Variants in EYA4 observed in about 807,000 individuals in gnomAD.
EYA4 encodes the protein protein phosphatase EYA4.
EYA4 carries 31 observed loss-of-function variants against 87.9 expected under a neutral mutation model. The ratio of observed to expected loss-of-function variants is 0.35; its 90% CI spans 0.27 to 0.48. The LOEUF (loss-of-function observed/expected upper bound fraction) is 0.48. Ranked by LOEUF, EYA4 falls within the 20% of genes least tolerant of loss-of-function variation. The pLI, the probability that EYA4 is intolerant of heterozygous loss-of-function variation, is 0.99. For missense variants in EYA4, 678 were observed against 761.4 expected (o/e 0.89, Z 1.29); for synonymous variants, 263 against 270.6 (o/e 0.97, Z 0.28).
chr6:133,347,883 G>C (rs185939869), intron 2 of EYA4, among the ~76,000 whole-genome samples: 8 of 152,022 alleles, frequency 5.3e-5, no homozygotes, highest in African/African-American at 1.9e-4. Context: ...TTTATGAACC[G>C]GTCATTCATA....
At chr6:133,282,122 T>C (rs1194186814) in intron 2 of EYA4, among the ~76,000 whole-genome samples, 1 of 152,210 alleles carries the variant, frequency 6.6e-6, no homozygotes, top group Non-Finnish European at 1.5e-5. Flanking sequence ...GTAGGATTGC[T>C]GGGTCAAATG....
At position 133,330,855 on chromosome 6, in the gene EYA4, GT is replaced by G. The variant is rs369175428; in HGVS notation, c.34-51534del. 9.0e-3 allele frequency among the ~76,000 whole-genome samples: 1,374 copies of G among 151,912 alleles called. 21 individuals are homozygous for G. The highest frequency in any genetic ancestry group is 0.03 in the African/African-American group (1,249 of 41,462). On this transcript the variant is annotated intron_variant, in intron 2 of 19. Transcript: ENST00000355286. ...GTGCAAAGTGTGGCGAGAACAGTAT[GT>G]TTACATCAGTGAAGTATGTGGTAAC...
At chr6:133,521,987 G>T (rs1800202624) in intron 17 of EYA4, among the ~76,000 whole-genome samples, 1 of 99,672 alleles carries the variant, frequency 1.0e-5, no homozygotes, top group Non-Finnish European at 2.0e-5. Context: ...AGGGGGGAGG[G>T]ATAGCATTGG....
At chr6:133,504,013 G>T (rs913165079) in intron 13 of EYA4, among the ~76,000 whole-genome samples, 1 of 152,052 alleles carries the variant, frequency 6.6e-6, no homozygotes, top group Non-Finnish European at 1.5e-5. Context: ...CACCTCCAAG[G>T]TTCAAGGGAT....
chr6:133,486,624 A>G (rs1215563129), intron 13 of EYA4, among the ~76,000 whole-genome samples: 1 of 152,234 alleles, frequency 6.6e-6, no homozygotes, highest in Admixed American at 6.5e-5. Context: ...TCGTATAATG[A>G]GTGACTGGGG....
At chr6:133,270,160 A>G (rs1776568791) in intron 1 of EYA4, among the ~76,000 whole-genome samples, 2 of 152,352 alleles carry the variant, frequency 1.3e-5, no homozygotes, top group African/African-American at 2.4e-5. Flanking sequence ...ACCCAGGGTC[A>G]ATACTTTGTA....
chr6:133,306,380 A>T (rs1445868477), intron 2 of EYA4, among the ~76,000 whole-genome samples: 2 of 152,158 alleles, frequency 1.3e-5, no homozygotes, highest in African/African-American at 4.8e-5. Flanking sequence ...TGGGGTTCTG[A>T]TAGGTAGAAT....
intron 3 of EYA4, among the ~76,000 whole-genome samples, chr6:133,396,974 G>T (rs1005052117): frequency 6.6e-6 from 1 of 152,182 alleles, no homozygotes; most frequent in Non-Finnish European, 1.5e-5. Context: ...GGAAGATACT[G>T]TGTATCCTAA....
intron 3 of EYA4, among the ~76,000 whole-genome samples, chr6:133,402,919 G>A (rs1438970196): frequency 6.6e-6 from 1 of 152,166 alleles, no homozygotes; most frequent in Non-Finnish European, 1.5e-5. Context: ...TCCATGAATT[G>A]TGACACTCTA....
chr6:133,259,925 T>G (rs909997513), intron 1 of EYA4, among the ~76,000 whole-genome samples: 7 of 152,220 alleles, frequency 4.6e-5, no homozygotes, highest in African/African-American at 1.7e-4. Flanking sequence ...GGCACACACT[T>G]CTTGAGATTT....
chr6:133,503,700 T>C (rs568925293), intron 13 of EYA4, among the ~76,000 whole-genome samples: 3 of 152,304 alleles, frequency 2.0e-5, no homozygotes, highest in Non-Finnish European at 4.4e-5. Context: ...TAATGCCTAG[T>C]TCCCCCAACC....
intron 3 of EYA4, among the ~76,000 whole-genome samples, chr6:133,408,858 G>T (rs1315382238): frequency 2.6e-5 from 4 of 152,180 alleles, no homozygotes; most frequent in Admixed American, 2.0e-4. Context: ...ATATTGAGTG[G>T]TTCAATGCTA....
At chr6:133,354,883 T>C (rs138208255) in intron 2 of EYA4, among the ~76,000 whole-genome samples, 1 of 152,270 alleles carries the variant, frequency 6.6e-6, no homozygotes, top group Admixed American at 6.5e-5. Flanking sequence ...TTTGTTGTTG[T>C]TGTTGTTTTT....
chr6:133,434,507 A>G (rs1408930352), intron 3 of EYA4, among the ~76,000 whole-genome samples: 2 of 152,196 alleles, frequency 1.3e-5, no homozygotes, highest in Non-Finnish European at 2.9e-5. Flanking sequence ...TTCACACATT[A>G]GCCTTCCAGA....
chr6:133,504,368 C>G (rs1460636336), intron 13 of EYA4, among the ~76,000 whole-genome samples: 1 of 152,158 alleles, frequency 6.6e-6, no homozygotes, highest in African/African-American at 2.4e-5. Context: ...TGACATAATA[C>G]CAGGAGGCCA....
At chr6:133,270,632 A>G (rs1776612131) in intron 1 of EYA4, among the ~76,000 whole-genome samples, 1 of 152,058 alleles carries the variant, frequency 6.6e-6, no homozygotes, top group Non-Finnish European at 1.5e-5. Flanking sequence ...TCAACAGGTC[A>G]TGTTTTTTTT....
At chr6:133,361,328 T>C (rs1354258789) in intron 2 of EYA4, among the ~76,000 whole-genome samples, 2 of 152,176 alleles carry the variant, frequency 1.3e-5, no homozygotes, top group Non-Finnish European at 1.5e-5. Context: ...TTATAAAAAA[T>C]ATTTGATGTC....
chr6:133,364,418 C>T (rs1014069852), intron 2 of EYA4, among the ~76,000 whole-genome samples: 1 of 152,192 alleles, frequency 6.6e-6, no homozygotes, highest in Non-Finnish European at 1.5e-5. Context: ...CTCGCTTCAT[C>T]AGGGTGTTGG....
In EYA4 at chr6:133,531,158, T is replaced by A; in HGVS notation, c.*2353T>A. On this transcript the variant is annotated 3_prime_UTR_variant, in exon 20 of 20. Transcript: ENST00000355286. ...GGCAAAGAGAAGCCGGCTGGTTGCA[T>A]CACCCCGTGCAGTTTCTCACACACA... The A allele has an allele frequency of 6.5e-7, 1 of 1,532,794 alleles. No individual in the cohort carries two copies. The allele number at this position is 1,532,794 out of a possible 1,614,324, so 94.9% of individuals were successfully genotyped here.
Sources: gnomAD v4.1 joint callset for allele counts (sites outside exome capture counted in the v4.1 genomes callset) on GRCh38, gnomAD v4.1.1 for gene constraint, MANE v1.5 for transcripts, NCBI Gene and HGNC (gene_info 2026-07-23, HGNC 2026-07-21) for gene names.